The following GMDS variants were observed in gnomAD, a reference collection of about 807,000 sequenced individuals.
GMDS encodes GDP-mannose 4,6 dehydratase.
GMDS carries 20 observed loss-of-function variants against 49.9 expected under a neutral mutation model. The ratio of observed to expected loss-of-function variants is 0.40; its 90% CI spans 0.28 to 0.58. The LOEUF (loss-of-function observed/expected upper bound fraction) is 0.58, where lower values mean the gene tolerates loss of function less well. GMDS is among the 20% of genes least tolerant of loss of function. The pLI is 0.42. For synonymous variants in GMDS, 177 were observed against 178.6 expected (o/e 0.99, Z 0.07); for missense variants, 362 against 481.4 (o/e 0.75, Z 2.32).
intron 1 of GMDS, among the ~76,000 whole-genome samples, chr6:2,200,608 C>T (rs1013922378): frequency 2.1e-5 from 3 of 140,512 alleles, no homozygotes; most frequent in Non-Finnish European, 4.6e-5. Context: ...GCAGTGAGGG[C>T]AGCATGTTAG....
At chr6:1,832,486 T>TA (rs1491242549) in intron 7 of GMDS, among the ~76,000 whole-genome samples, 5 of 152,120 alleles carry the variant, frequency 3.3e-5, no homozygotes, top group Non-Finnish European at 4.4e-5. Context: ...TTATTTTTTT[T>TA]ATGTGTGTTG....
At chr6:1,979,534 T>G (rs1351885536) in intron 4 of GMDS, among the ~76,000 whole-genome samples, 4 of 152,052 alleles carry the variant, frequency 2.6e-5, no homozygotes, top group Non-Finnish European at 4.4e-5. Context: ...CTCTGAGAAA[T>G]ATGGGATTAT....
chr6:1,811,056 A>G (rs1448741758), intron 7 of GMDS, among the ~76,000 whole-genome samples: 1 of 152,108 alleles, frequency 6.6e-6, no homozygotes, highest in Non-Finnish European at 1.5e-5. Context: ...TTCTGACAAC[A>G]TGAAACAGAA....
chr6:2,069,543 T>C (rs1350956909), intron 4 of GMDS, among the ~76,000 whole-genome samples: 1 of 151,894 alleles, frequency 6.6e-6, no homozygotes, highest in Non-Finnish European at 1.5e-5. Flanking sequence ...ATATCCAGAA[T>C]CTACAATGAA....
At chr6:2,140,026 G>A (rs1268925632) in intron 1 of GMDS, among the ~76,000 whole-genome samples, 1 of 152,124 alleles carries the variant, frequency 6.6e-6, no homozygotes, top group East Asian at 1.9e-4. Context: ...AGTCAGCTGT[G>A]GAGTTAATGC....
intron 4 of GMDS, among the ~76,000 whole-genome samples, chr6:2,041,822 T>A (rs4959164): frequency 0.24 from 36,116 of 152,152 alleles, 5,231 homozygotes; most frequent in East Asian, 0.47. Flanking sequence ...TGGTAGAAAG[T>A]CTATTACAAA....
intron 1 of GMDS, among the ~76,000 whole-genome samples, chr6:2,164,568 C>A (rs981174309): frequency 6.6e-6 from 1 of 152,200 alleles, no homozygotes; most frequent in Non-Finnish European, 1.5e-5. Context: ...GAGGACTCAT[C>A]AGAATTTAGG....
chr6:1,947,497 C>T (rs1486069507), intron 6 of GMDS, among the ~76,000 whole-genome samples: 1 of 152,138 alleles, frequency 6.6e-6, no homozygotes, highest in African/African-American at 2.4e-5. Flanking sequence ...GCTGAAAACC[C>T]ACCTTTCTTG....
intron 7 of GMDS, among the ~76,000 whole-genome samples, chr6:1,763,910 G>A (rs1037949258): frequency 6.6e-6 from 1 of 152,174 alleles, no homozygotes; most frequent in Non-Finnish European, 1.5e-5. Context: ...CTTGGAGGGA[G>A]CAGTGCCATT....
At chr6:2,241,828 A>C (rs556612537) in intron 1 of GMDS, among the ~76,000 whole-genome samples, 2 of 152,228 alleles carry the variant, frequency 1.3e-5, no homozygotes, top group Non-Finnish European at 1.5e-5. Context: ...ACCCAGCCTC[A>C]GGTATTCCTT....
chr6:1,914,380 T>A (rs1267358671), intron 7 of GMDS, among the ~76,000 whole-genome samples: 1 of 149,370 alleles, frequency 6.7e-6, no homozygotes, highest in African/African-American at 2.5e-5. Flanking sequence ...TTGAGGAGAA[T>A]GGCGTGAACC....
chr6:2,012,675 G>A (rs1343864688), intron 4 of GMDS, among the ~76,000 whole-genome samples: 1 of 152,046 alleles, frequency 6.6e-6, no homozygotes, highest in Non-Finnish European at 1.5e-5. Flanking sequence ...AATGGCGGTT[G>A]AGATTGGCTT....
At chr6:1,798,473 C>G (rs1200061284) in intron 7 of GMDS, among the ~76,000 whole-genome samples, 5 of 152,138 alleles carry the variant, frequency 3.3e-5, no homozygotes, top group Admixed American at 3.3e-4. Context: ...ACCACTGAGT[C>G]TTGTGCAAAC....
intron 7 of GMDS, among the ~76,000 whole-genome samples, chr6:1,912,386 G>C (rs936603408): frequency 6.6e-6 from 1 of 152,138 alleles, no homozygotes; most frequent in African/African-American, 2.4e-5. Context: ...TTTAAAAAGT[G>C]ATCTAATCAA....
chr6:2,007,972 CT>C (rs765089308), intron 4 of GMDS, among the ~76,000 whole-genome samples: 44 of 152,146 alleles, frequency 2.9e-4, no homozygotes, highest in Non-Finnish European at 4.9e-4. Flanking sequence ...AATATCAAAA[CT>C]TAAGTGCTTA....
At chr6:1,781,635 C>T (rs1486774402) in intron 7 of GMDS, among the ~76,000 whole-genome samples, 2 of 136,560 alleles carry the variant, frequency 1.5e-5, no homozygotes, top group East Asian at 2.4e-4. Context: ...CTCTTCCACA[C>T]ATGGCCTTAA....
intron 4 of GMDS, among the ~76,000 whole-genome samples, chr6:2,074,692 T>C (rs1004563875): frequency 1.3e-5 from 2 of 152,164 alleles, no homozygotes; most frequent in Non-Finnish European, 1.5e-5. Flanking sequence ...TTAACAAAGG[T>C]AGGGTCTCAC....
chr6:1,908,196 G>C (rs1254802986), intron 7 of GMDS, among the ~76,000 whole-genome samples: 1 of 152,202 alleles, frequency 6.6e-6, no homozygotes, highest in Admixed American at 6.5e-5. Context: ...TCACGTCCGG[G>C]CAGAACGAAG....
chr6:2,168,246 G>A (rs1432357287), intron 1 of GMDS, among the ~76,000 whole-genome samples: 1 of 152,208 alleles, frequency 6.6e-6, no homozygotes, highest in African/African-American at 2.4e-5. Context: ...TTAGCTCTCT[G>A]AGGGTCTGCA....
Sources: gnomAD v4.1 joint callset for allele counts (sites outside exome capture counted in the v4.1 genomes callset) on GRCh38, gnomAD v4.1.1 for gene constraint, MANE v1.5 for transcripts, NCBI Gene and HGNC (gene_info 2026-07-23, HGNC 2026-07-21) for gene names.